ZNF304: variants seen among roughly 807,000 people sequenced by gnomAD.
ZNF304 encodes KRAB-containing zinc finger protein.
Under a neutral mutation model 7.8 loss-of-function variants are expected in ZNF304, and 7 were observed. The ratio of observed to expected loss-of-function variants is 0.90; its 90% CI spans 0.51 to 1.69. The LOEUF is 1.69. ZNF304 is among the 40% of genes most tolerant of loss of function. ZNF304 has a pLI of 0.00. For synonymous variants in ZNF304, 280 were observed against 272.4 expected (o/e 1.03, Z -0.27); for missense variants, 669 against 804.8 (o/e 0.83, Z 2.04).
Position 57,356,095 on chromosome 19 carries a change from CA to C in ZNF304, c.227del (p.Gln76ArgfsTer23), listed in dbSNP as rs1220054351. 6.2e-7 allele frequency: 1 copy of C among 1,614,204 alleles called. No individual in the cohort carries two copies. The highest frequency in any genetic ancestry group is 1.3e-5 in the African/African-American group (1 of 75,062). ...EQSVSVEGVS[Q>X]VRTAESGLFQ... is the part of the protein sequence containing the mutation. ...GAGCGTTTCTGTAGAAGGAGTGTCA[CA>C]GGTCAGGACTGCTGAGTCAGGTCTT... is the stretch of plus-strand genomic sequence containing the variant. On this transcript the variant is annotated frameshift_variant, in exon 3 of 3. Transcript: ENST00000282286. LOFTEE classifies it low-confidence loss of function (END_TRUNC).
chr19:57,353,230 C>G (rs1393471192), intron 1 of ZNF304, among the ~76,000 whole-genome samples: 1 of 152,022 alleles, frequency 6.6e-6, no homozygotes, highest in Non-Finnish European at 1.5e-5. Flanking sequence ...TGCAGAGTGG[C>G]ATGGGGGATG....
At position 57,357,340 on chromosome 19, in the gene ZNF304, G is replaced by A. The variant is rs1192951726; in HGVS notation, c.1471G>A (p.Val491Met). ...GKAFSRKDTL[V>M]QHQKIHTGER... Reference sequence around the variant, plus strand: ...GGCCTTCAGCCGTAAAGACACACTTGTGCAACACCAAAAAATCCACACTGG... The same window carrying A: ...GGCCTTCAGCCGTAAAGACACACTTATGCAACACCAAAAAATCCACACTGG... Residue 491 changes from valine (V) to methionine (M), a missense_variant, in exon 3 of 3, where the codon GTG (valine) becomes ATG (methionine). By Grantham distance (21) the Val-to-Met change is conservative (BLOSUM62 1). Coordinates refer to ENST00000282286, the MANE Select transcript of ZNF304 (RefSeq NM_020657.4). 1.2e-6 allele frequency: 2 copies of A among 1,613,406 alleles called. No individual in the cohort carries two copies. The highest frequency in any genetic ancestry group is 2.2e-5 in the East Asian group (1 of 44,826).
intron 2 of ZNF304, chr19:57,355,402 C>G: frequency 1.3e-6 from 1 of 763,482 alleles, no homozygotes; most frequent in Non-Finnish European, 2.4e-6. Context: ...TGAATGGGAG[C>G]TGGAAGAGGG....
At position 57,358,576 on chromosome 19, in the gene ZNF304, GA is replaced by G. The variant is rs1483936617; in HGVS notation, c.*728del. 2.0e-5 allele frequency: 3 copies of G among 152,280 alleles called. No individual in the cohort carries two copies. Among genetic ancestry groups the G allele is most frequent in the African/African-American group, 7.2e-5 (3 of 41,456 alleles). 9.4% of individuals were successfully genotyped at this position (152,280 alleles called of 1,614,324 possible). On this transcript the variant is annotated 3_prime_UTR_variant, in exon 3 of 3. Coordinates refer to ENST00000282286, the MANE Select transcript of ZNF304 (RefSeq NM_020657.4). ...AAAGAATTGGGTTCTGTCATGAAGG[GA>G]GTAGCACCTTTTGTGGGCACCACCT...
Position 57,351,764 on chromosome 19 carries a change from C to T in ZNF304, c.33+67C>T. On this transcript the variant is annotated intron_variant, in intron 1 of 2. Transcript: ENST00000282286. This position sits in a 1 kb window ranked among gnomAD's most constrained non-coding sequence, Gnocchi z 4.1. ...TGTGTCCTGGGATGTTCGCTCTCAT[C>T]GCGCACTTCAGGGTGCTCACTCCGT... 1 of 1,531,978 alleles carries T rather than the reference C, an allele frequency of 6.5e-7. No homozygotes were observed. The highest frequency in any genetic ancestry group is 8.9e-7 in the Non-Finnish European group (1 of 1,128,292). 94.9% of individuals were successfully genotyped at this position (1,531,978 alleles called of 1,614,324 possible).
chr19:57,351,744 C>G lies in ZNF304; in HGVS notation c.33+47C>G. The G allele has an allele frequency of 6.4e-7, 1 of 1,571,710 alleles. No homozygotes were observed. Among genetic ancestry groups the G allele is most frequent in the South Asian group, 1.2e-5 (1 of 86,416 alleles). On this transcript the variant is annotated intron_variant, in intron 1 of 2. Transcript: ENST00000282286. This position sits in a 1 kb window ranked among gnomAD's most constrained non-coding sequence, Gnocchi z 4.1. ...GCGCACCCCGGCCTGGTTGGTGTGT[C>G]CTGGGATGTTCGCTCTCATCGCGCA... is the stretch of plus-strand genomic sequence containing the variant.
chr19:57,354,001 T>G (rs1257876100), intron 2 of ZNF304, 150 bp downstream of exon 2: 17 of 675,498 alleles, frequency 2.5e-5, no homozygotes, highest in Middle Eastern at 6.4e-4. Context: ...TTGAGGGTTT[T>G]TTTTTTGTTT....
chr19:57,358,723 T>C lies in ZNF304; in HGVS notation c.*874T>C, dbSNP rs1409250424. ...CTGAAAAAATTTTTGTGCCTAACTT[T>C]GTGGCCTGGCTGCCAGGATTTCCTG... On this transcript the variant is annotated 3_prime_UTR_variant, in exon 3 of 3. Transcript: ENST00000282286. 6 of 152,246 alleles carry C rather than the reference T, an allele frequency of 3.9e-5. No homozygotes were observed. The highest frequency in any genetic ancestry group is 6.5e-5 in the Admixed American group (1 of 15,286). The allele number at this position is 152,246 out of a possible 1,614,324, so 9.4% of individuals were successfully genotyped here. A position where few individuals can be genotyped will look rare whatever the true frequency, so the allele number is the denominator to read the frequency against.
At position 57,357,584 on chromosome 19, in the gene ZNF304, C is replaced by G; in HGVS notation, c.1715C>G (p.Ser572Cys). Residue 572 changes from serine to cysteine, a missense_variant, in exon 3 of 3, where the codon TCC (serine) becomes TGC (cysteine). Physicochemically the swap from Ser to Cys is moderately radical, Grantham distance 112. Transcript: ENST00000282286. ...SECGKAYISS[S>C]HLVQHKKVHT... Reference sequence around the variant, plus strand: ...TGTGGGAAGGCTTACATTAGTAGCTCCCACCTTGTTCAACACAAGAAAGTT... The same window carrying G: ...TGTGGGAAGGCTTACATTAGTAGCTGCCACCTTGTTCAACACAAGAAAGTT... 1 of 1,613,170 alleles carries G rather than the reference C, an allele frequency of 6.2e-7. No individual in the cohort carries two copies. Among genetic ancestry groups the G allele is most frequent in the Non-Finnish European group, 8.5e-7 (1 of 1,179,714 alleles).
intron 2 of ZNF304, 62 bp downstream of exon 2, chr19:57,353,913 C>T: frequency 7.7e-7 from 1 of 1,290,688 alleles, no homozygotes; most frequent in Non-Finnish European, 1.0e-6. Flanking sequence ...TTAGTAACTG[C>T]AAACAATAAA....
Position 57,351,744 on chromosome 19 carries a change from C to A in ZNF304, c.33+47C>A. 1 of 1,571,706 alleles carries A rather than the reference C, an allele frequency of 6.4e-7. No individual in the cohort carries two copies. ...GCGCACCCCGGCCTGGTTGGTGTGTCCTGGGATGTTCGCTCTCATCGCGCA... is the reference window on the plus strand; with the variant it reads ...GCGCACCCCGGCCTGGTTGGTGTGTACTGGGATGTTCGCTCTCATCGCGCA... On this transcript the variant is annotated intron_variant, in intron 1 of 2. Coordinates refer to ENST00000282286, the MANE Select transcript of ZNF304 (RefSeq NM_020657.4). The surrounding 1 kb of genome is among the most constrained non-coding windows in gnomAD (Gnocchi z 4.1).
At chr19:57,355,449 TTGTTTTGTGTTTGTCAG>T in intron 2 of ZNF304, 1 of 721,678 alleles carries the variant, frequency 1.4e-6, no homozygotes, top group Non-Finnish European at 2.5e-6. Context: ...AACCTTCAAC[TTGTTTTGTGTTTGTCAG>T]TGTTTTGTTG....
chr19:57,353,902 C>T (rs377544847), intron 2 of ZNF304, 51 bp downstream of exon 2: 33 of 1,360,416 alleles, frequency 2.4e-5, no homozygotes, highest in South Asian at 1.8e-4. Context: ...TATCCCAAAG[C>T]TTAGTAACTG....
rs2088278675 is a variant in ZNF304, at chr19:57,351,836, GTGGAACGGA to G, written c.33+140_33+148del. 4.2e-6 allele frequency: 4 copies of G among 943,380 alleles called. No homozygotes were observed. In the Admixed American group the frequency reaches 1.1e-4, roughly 25 times the overall value. The allele number at this position is 943,380 out of a possible 1,614,324, so 58.4% of individuals were successfully genotyped here. A position where few individuals can be genotyped will look rare whatever the true frequency, so the allele number is the denominator to read the frequency against. On this transcript the variant is annotated intron_variant, in intron 1 of 2. Transcript: ENST00000282286. This position sits in a 1 kb window ranked among gnomAD's most constrained non-coding sequence, Gnocchi z 4.1. ...GCTCCCCTCATCAGTGGCATAAGGT[GTGGAACGGA>G]CTCGAAGGCGCAGGGGCAGTTCGTA...
Position 57,357,893 on chromosome 19 carries a change from A to T in ZNF304, c.*44A>T, listed in dbSNP as rs2088369426. The T allele has an allele frequency of 2.6e-6, 4 of 1,545,828 alleles. No individual in the cohort carries two copies. The highest frequency in any genetic ancestry group is 3.5e-4 in the Middle Eastern group (2 of 5,722). On this transcript the variant is annotated 3_prime_UTR_variant, in exon 3 of 3. Coordinates refer to ENST00000282286, the MANE Select transcript of ZNF304 (RefSeq NM_020657.4). ...AGAGAAAGGCCTTATGAATGCAGAA[A>T]ATATGTCATCTTGTTCATCCTCATA...
chr19:57,356,533 C>T lies in ZNF304; in HGVS notation c.664C>T (p.Leu222Phe), dbSNP rs764291028. 3.7e-6 allele frequency: 6 copies of T among 1,614,202 alleles called. No individual in the cohort carries two copies. Among genetic ancestry groups the T allele is most frequent in the South Asian group, 3.3e-5 (3 of 91,088 alleles). The change falls in exon 3 of 3, where the codon CTT (leucine) becomes TTT (phenylalanine). Residue 222 changes from leucine to phenylalanine, a missense_variant. Transcript: ENST00000282286. The stretch of plus-strand genomic sequence containing the variant: ...CCAAGGAGACTATGATGGACAGATG[C>T]TTTTCAGTTGCGGTGATGAAGGGAA... ...QHQGDYDGQMLFSCGDEGKAF... is the reference protein window; with the variant it reads ...QHQGDYDGQMFFSCGDEGKAF...
Position 57,351,854 on chromosome 19 carries a change from C to T in ZNF304, c.33+157C>T, listed in dbSNP as rs1175146596. ...ATAAGGTGTGGAACGGACTCGAAGG[C>T]GCAGGGGCAGTTCGTACAAATGCAT... On this transcript the variant is annotated intron_variant, in intron 1 of 2. Transcript: ENST00000282286. The surrounding 1 kb of genome is among the most constrained non-coding windows in gnomAD (Gnocchi z 4.1). 2 of 723,752 alleles carry T rather than the reference C, an allele frequency of 2.8e-6. No individual in the cohort carries two copies. The highest frequency in any genetic ancestry group is 3.7e-5 in the African/African-American group (2 of 54,478). 44.8% of individuals were successfully genotyped at this position (723,752 alleles called of 1,614,324 possible).
Position 57,359,853 on chromosome 19 carries a change from C to CA in ZNF304, c.*2005dup, listed in dbSNP as rs1300591223. ...TTGTTATGGATGTTTGGGTAACTTT[C>CA]AGTTTTTGGCTATTACAAATAAACC... is the stretch of plus-strand genomic sequence containing the variant. On this transcript the variant is annotated 3_prime_UTR_variant, in exon 3 of 3. Coordinates refer to ENST00000282286, the MANE Select transcript of ZNF304 (RefSeq NM_020657.4). The CA allele has an allele frequency of 3.3e-5, 5 of 152,168 alleles. No homozygotes were observed. Among genetic ancestry groups the CA allele is most frequent in the African/African-American group, 1.2e-4 (5 of 41,434 alleles). 9.4% of individuals were successfully genotyped at this position (152,168 alleles called of 1,614,324 possible). A position where few individuals can be genotyped will look rare whatever the true frequency, so the allele number is the denominator to read the frequency against.
In ZNF304 at chr19:57,356,207, C is replaced by T. The variant is rs754199041; in HGVS notation, c.338C>T (p.Thr113Ile). Residue 113 changes from threonine to isoleucine, a missense_variant, in exon 3 of 3, where the codon ACA becomes ATA. By Grantham distance (89) the Thr-to-Ile change is moderately conservative. Transcript: ENST00000282286. ...HLAEHQGSHLTQKLCTRGLCR... is the reference protein window; with the variant it reads ...HLAEHQGSHLIQKLCTRGLCR... ...GCTGAACACCAGGGATCACACCTTA[C>T]ACAGAAACTGTGCACACGTGGGCTG... 2.6e-5 allele frequency: 42 copies of T among 1,614,118 alleles called. No individual in the cohort carries two copies. The highest frequency in any genetic ancestry group is 1.5e-4 in the Admixed American group (9 of 60,010).
Sources: gnomAD v4.1 joint callset for allele counts (sites outside exome capture counted in the v4.1 genomes callset) on GRCh38, gnomAD v4.1.1 for gene constraint, Gnocchi (gnomAD v3.1) non-coding constraint, MANE v1.5 for transcripts, NCBI Gene and HGNC (gene_info 2026-07-23, HGNC 2026-07-21) for gene names.